Variants in GET1 observed in about 807,000 individuals in gnomAD.
GET1 encodes congenital heart disease 5 protein.
In GET1, 20 loss-of-function variants were observed where a neutral mutation model predicts 22.6. The ratio of observed to expected loss-of-function variants is 0.89; its 90% CI spans 0.62 to 1.29. GET1 has a LOEUF of 1.29. Among genes scored for constraint, GET1 ranks in the 50% most tolerant of loss-of-function variants. The pLI is 0.00. For synonymous variants in GET1, 92 were observed against 83.8 expected (o/e 1.10, Z -0.53); for missense variants, 209 against 219.9 (o/e 0.95, Z 0.31).
In GET1 at chr21:39,393,674, G is replaced by A. The variant is rs537589372; in HGVS notation, c.451+394G>A. ...TTTATTTTTTATTTTTTGAGACTGA[G>A]TCTCACTCCGTCACCCAGGCTGGAG... On this transcript the variant is annotated intron_variant, in intron 4 of 4. Coordinates refer to ENST00000649170, the MANE Select transcript of GET1 (RefSeq NM_004627.6). Among the ~76,000 whole-genome samples the A allele has an allele frequency of 1.0e-3, 158 of 152,174 alleles. 1 individual carries two copies. Among genetic ancestry groups the A allele is most frequent in the Non-Finnish European group, 1.9e-3 (130 of 68,006 alleles).
chr21:39,421,974 TGACA>T (rs1380116257), intron 1 of GET1: 3 of 152,224 alleles, frequency 2.0e-5, no homozygotes, highest in African/African-American at 7.2e-5. Context: ...TGCTTTTACA[TGACA>T]GACATACGCT....
chr21:39,413,248 C>T (rs1281147059), intron 1 of GET1, among the ~76,000 whole-genome samples: 1 of 152,174 alleles, frequency 6.6e-6, no homozygotes, highest in Non-Finnish European at 1.5e-5. Flanking sequence ...ACCAAGAGTA[C>T]ACATATGTTT....
chr21:39,414,738 CTCTCTGTGTGTGTGTGTG>C (rs1024843611), intron 1 of GET1, among the ~76,000 whole-genome samples: 6 of 107,328 alleles, frequency 5.6e-5, no homozygotes, highest in African/African-American at 2.0e-4. Flanking sequence ...CTCTCTCTCT[CTCTCTGTGTGTGTGTGTG>C]TGTGTGTGTG....
chr21:39,416,895 CTTCT>C (rs1473484257), intron 1 of GET1, among the ~76,000 whole-genome samples: 1 of 152,154 alleles, frequency 6.6e-6, no homozygotes, highest in Non-Finnish European at 1.5e-5. Flanking sequence ...CTTGGAATGG[CTTCT>C]TTCTGTGGCT....
chr21:39,393,605 T>G (rs915581196), intron 4 of GET1, among the ~76,000 whole-genome samples: 3 of 152,156 alleles, frequency 2.0e-5, no homozygotes, highest in Admixed American at 2.0e-4. Flanking sequence ...TCAATCCCTA[T>G]TATGGTTGGC....
chr21:39,406,880 C>A, downstream of GET1: 1 of 385,342 alleles, frequency 2.6e-6, no homozygotes, highest in Non-Finnish European at 4.6e-6. Flanking sequence ...ATAAAATTTG[C>A]CAATAAGGTT....
At chr21:39,381,650 GT>G in intron 1 of GET1, among the ~76,000 whole-genome samples, 1 of 152,210 alleles carries the variant, frequency 6.6e-6, no homozygotes, top group Non-Finnish European at 1.5e-5. Context: ...GTTTTTAATT[GT>G]AAAATACACA....
At position 39,397,086 on chromosome 21, in the gene GET1, T is replaced by C; in HGVS notation, c.*147T>C. The C allele has an allele frequency of 1.2e-6, 1 of 832,012 alleles. No homozygotes were observed. The highest frequency in any genetic ancestry group is 1.8e-6 in the Non-Finnish European group (1 of 541,396). The allele number at this position is 832,012 out of a possible 1,614,324, so 51.5% of individuals were successfully genotyped here. A position where few individuals can be genotyped will look rare whatever the true frequency, so the allele number is the denominator to read the frequency against. On this transcript the variant is annotated 3_prime_UTR_variant, in exon 5 of 5. Coordinates refer to ENST00000649170, the MANE Select transcript of GET1 (RefSeq NM_004627.6). ...TGAATATGTTTGTTCTTGGACTTTA[T>C]GAGAGAGTCTTATAAGAATCACGAT...
intron 1 of GET1, among the ~76,000 whole-genome samples, chr21:39,386,929 C>T (rs1269355018): frequency 6.6e-6 from 1 of 151,892 alleles, no homozygotes; most frequent in South Asian, 2.1e-4. Flanking sequence ...ACAGCAGCCT[C>T]AACCTTTCGG....
At chr21:39,380,935 G>GGC in intron 1 of GET1, 3 of 187,976 alleles carry the variant, frequency 1.6e-5, no homozygotes, top group Non-Finnish European at 2.0e-5. Flanking sequence ...GGTAGGGTGG[G>GGC]AGACAGGTGT....
intron 4 of GET1, among the ~76,000 whole-genome samples, chr21:39,404,807 A>G (rs2038955217): frequency 6.7e-6 from 1 of 149,006 alleles, no homozygotes; most frequent in Non-Finnish European, 1.5e-5. Context: ...ATCACTATAT[A>G]TATACACACA....
In GET1 at chr21:39,397,084, T is replaced by C. The variant is rs555122049; in HGVS notation, c.*145T>C. On this transcript the variant is annotated 3_prime_UTR_variant, in exon 5 of 5. Transcript: ENST00000649170. ...GTTGAATATGTTTGTTCTTGGACTT[T>C]ATGAGAGAGTCTTATAAGAATCACG... The C allele has an allele frequency of 3.8e-5, 32 of 835,790 alleles. No homozygotes were observed. The South Asian group carries it at 4.5e-4, about 12-fold the overall frequency. 51.8% of individuals were successfully genotyped at this position (835,790 alleles called of 1,614,324 possible). A position where few individuals can be genotyped will look rare whatever the true frequency, so the allele number is the denominator to read the frequency against.
chr21:39,392,333 C>T (rs1342593049), intron 3 of GET1, among the ~76,000 whole-genome samples: 1 of 152,164 alleles, frequency 6.6e-6, no homozygotes, highest in African/African-American at 2.4e-5. Context: ...GGGCTCTGCT[C>T]TGCCCCGAGA....
rs547222557 is a variant in GET1 at position 39,390,832 on chromosome 21, C to T, written c.237C>T (p.Ile79=). 6.2e-7 allele frequency: 1 copy of T among 1,614,000 alleles called. No homozygotes were observed. The highest frequency in any genetic ancestry group is 1.3e-5 in the African/African-American group (1 of 74,918). ...GATATGCCAGGCTGGAAAGAAAGAT[C>T]AACAAGATGACGGATAAGCTCAAAA... ...FARYARLERK[I]NKMTDKLKTH... is the part of the protein sequence containing the mutation. The change falls in exon 2 of 5, where the codon ATC becomes ATT. Residue 79 remains isoleucine, a synonymous_variant. Coordinates refer to ENST00000649170, the MANE Select transcript of GET1 (RefSeq NM_004627.6).
chr21:39,403,900 C>T (rs1027782293), intron 4 of GET1, among the ~76,000 whole-genome samples: 5 of 152,066 alleles, frequency 3.3e-5, no homozygotes. Flanking sequence ...GGATTACAGG[C>T]GTGAGCCACT....
intron 1 of GET1, chr21:39,421,882 G>A (rs138122030): frequency 3.3e-5 from 5 of 152,096 alleles, no homozygotes; most frequent in Non-Finnish European, 5.9e-5. Context: ...TTGTATCAAA[G>A]AAAATAGTTA....
chr21:39,380,901 C>A, intron 1 of GET1: 1 of 990,660 alleles, frequency 1.0e-6, no homozygotes, highest in South Asian at 4.5e-5. Flanking sequence ...ATCCTCGCGT[C>A]CAGGAGCCCA....
intron 4 of GET1, among the ~76,000 whole-genome samples, chr21:39,403,540 T>C (rs983744530): frequency 1.6e-5 from 2 of 124,250 alleles, no homozygotes; most frequent in South Asian, 2.4e-4. Context: ...TTAGCCAGGA[T>C]GGTCTCGATC....
chr21:39,394,786 G>GT (rs1325909938), intron 4 of GET1, among the ~76,000 whole-genome samples: 2 of 152,184 alleles, frequency 1.3e-5, no homozygotes, highest in African/African-American at 4.8e-5. Flanking sequence ...TGCCATCACT[G>GT]TGGGGGGTAG....
Sources: gnomAD v4.1 joint callset for allele counts (sites outside exome capture counted in the v4.1 genomes callset) on GRCh38, gnomAD v4.1.1 for gene constraint, MANE v1.5 for transcripts, NCBI Gene and HGNC (gene_info 2026-07-23, HGNC 2026-07-21) for gene names.